Variants in FBN1 observed in about 807,000 individuals in gnomAD.
The protein encoded by FBN1 is fibrillin 1, also known as fibrillin-1.
A neutral mutation model predicts 365.1 loss-of-function variants in FBN1; 29 were observed. The ratio of observed to expected loss-of-function variants is 0.08; its 90% CI spans 0.06 to 0.11. FBN1 has a LOEUF of 0.11. Among genes scored for constraint, FBN1 ranks in the 10% least tolerant of loss-of-function variants. The pLI is 1.00. For synonymous variants in FBN1, 1,210 were observed against 1,270.5 expected, an observed-to-expected ratio of 0.95 and a Z score of 1.01; for missense variants, 2,476 against 3,703.2, an observed-to-expected ratio of 0.67 and a Z score of 8.60.
chr15:48,437,153 T>A, intron 52 of FBN1, 76 bp from the exon 53 acceptor site: 1 of 1,214,104 alleles, frequency 8.2e-7, no homozygotes, highest in Non-Finnish European at 1.2e-6. Flanking sequence ...CATTTCAGTG[T>A]TTAATCAAAA....
intron 36 of FBN1, among the ~76,000 whole-genome samples, chr15:48,469,067 C>CAA (rs56789154): frequency 5.6e-4 from 51 of 90,672 alleles, no homozygotes; most frequent in East Asian, 2.8e-3. Flanking sequence ...GACTCCGTCT[C>CAA]AAAAAAAAAA....
intron 2 of FBN1, among the ~76,000 whole-genome samples, chr15:48,627,636 TA>T (rs34342562): frequency 0.12 from 18,035 of 151,948 alleles, 1,235 homozygotes; most frequent in Non-Finnish European, 0.15. Flanking sequence ...GATGATCTTC[TA>T]AAAAAAACCC....
chr15:48,588,909 G>A (rs929247159), intron 6 of FBN1, among the ~76,000 whole-genome samples: 1 of 152,174 alleles, frequency 6.6e-6, no homozygotes, highest in African/African-American at 2.4e-5. Flanking sequence ...GGACACTGTG[G>A]ACTAGGGACT....
At chr15:48,645,050 C>G (rs549614449) in intron 1 of FBN1, 100 bp from the exon 2 acceptor site, 2 of 274,188 alleles carry the variant, frequency 7.3e-6, no homozygotes, top group African/African-American at 4.5e-5. Context: ...CGTGCGCCGC[C>G]TGCGCGTGGC....
chr15:48,491,633 G>A (rs1193770172), intron 24 of FBN1, among the ~76,000 whole-genome samples: 1 of 151,666 alleles, frequency 6.6e-6, no homozygotes, highest in African/African-American at 2.4e-5. Context: ...TTACAGGCGT[G>A]AGCCATCGCA....
chr15:48,502,188 A>G (rs1427744790), intron 17 of FBN1, among the ~76,000 whole-genome samples: 3 of 151,910 alleles, frequency 2.0e-5, no homozygotes, highest in Non-Finnish European at 4.4e-5. Flanking sequence ...ACCACCACGC[A>G]TGACTTTTTG....
chr15:48,467,855 G>T, intron 38 of FBN1, 83 bp downstream of exon 38: 2 of 1,230,686 alleles, frequency 1.6e-6, no homozygotes, highest in South Asian at 1.2e-5. Context: ...TCTGATCTAA[G>T]AGTAGAAAAG....
intron 6 of FBN1, among the ~76,000 whole-genome samples, chr15:48,554,132 T>C (rs970582501): frequency 6.6e-6 from 1 of 152,236 alleles, no homozygotes; most frequent in Admixed American, 6.5e-5. Context: ...TTCCTCAAAA[T>C]GACGGTACAA....
chr15:48,508,678 T>A lies in FBN1; in HGVS notation c.1741A>T (p.Met581Leu). The A allele has an allele frequency of 6.2e-7, 1 of 1,613,840 alleles. No homozygotes were observed. The highest frequency in any genetic ancestry group is 1.7e-5 in the Admixed American group (1 of 60,016). ...EDMDECSIRNMCLNGMCINED... is the reference protein window; with the variant it reads ...EDMDECSIRNLCLNGMCINED... ...TTGATACACATTCCATTAAGGCACATGTTCCTTATGCTGCATTCATCCATA... is the reference window on the plus strand; with the variant it reads ...TTGATACACATTCCATTAAGGCACAAGTTCCTTATGCTGCATTCATCCATA... Residue 581 changes from methionine (M) to leucine (L), a missense_variant, in exon 15 of 66, where the codon ATG becomes TTG. Transcript: ENST00000316623.
At chr15:48,533,986 G>A (rs893923403) in intron 8 of FBN1, 94 bp downstream of exon 8, 11 of 1,520,402 alleles carry the variant, frequency 7.2e-6, no homozygotes, top group Non-Finnish European at 1.0e-5. Flanking sequence ...AAGACAGAAG[G>A]ATTTAGGAAT....
At chr15:48,627,641 A>C (rs1889909365) in intron 2 of FBN1, among the ~76,000 whole-genome samples, 1 of 152,178 alleles carries the variant, frequency 6.6e-6, no homozygotes, top group South Asian at 2.1e-4. Flanking sequence ...TCTTCTAAAA[A>C]AAACCCTCCA....
chr15:48,460,400 G>C, intron 42 of FBN1, 83 bp from the exon 43 acceptor site: 1 of 858,318 alleles, frequency 1.2e-6, no homozygotes, highest in Admixed American at 1.8e-5. Flanking sequence ...TATTTTGTAA[G>C]CATTCTTGAA....
In FBN1 at chr15:48,415,523, G is replaced by T. The variant is rs753145685; in HGVS notation, c.8051+13C>A. On this transcript the variant is annotated intron_variant, in intron 64 of 65. Coordinates refer to ENST00000316623, the MANE Select transcript of FBN1 (RefSeq NM_000138.5). ...AAGAATCTCCAACCATGACCAGGAAGAGCACTGCTTACCCTTGGCCTATGC... is the reference window on the plus strand; with the variant it reads ...AAGAATCTCCAACCATGACCAGGAATAGCACTGCTTACCCTTGGCCTATGC... 1.3e-6 allele frequency: 2 copies of T among 1,579,212 alleles called. No homozygotes were observed. The highest frequency in any genetic ancestry group is 1.7e-6 in the Non-Finnish European group (2 of 1,148,288).
chr15:48,644,619 C>G lies in FBN1; in HGVS notation c.151G>C (p.Asp51His). Reference protein sequence around the residue: ...RAKRRGGGGHDALKGPNVCGS... With the variant: ...RAKRRGGGGHHALKGPNVCGS... ...CGGTTCCTTTACCCTTTAAGCGCGT[C>G]GTGTCCTCCACCGCCTCTTCTCTTG... Residue 51 changes from aspartate (D) to histidine (H), a missense_variant, in exon 2 of 66, where the codon GAC becomes CAC. By Grantham distance (81) the Asp-to-His change is moderately conservative. Around this residue, in one of 5 missense-constraint regions of FBN1, gnomAD observed 76 missense variants for 85.4 expected, o/e 0.89. Transcript: ENST00000316623. The G allele has an allele frequency of 6.2e-7, 1 of 1,614,188 alleles. No individual in the cohort carries two copies.
At chr15:48,587,039 T>C (rs956948413) in intron 6 of FBN1, among the ~76,000 whole-genome samples, 3 of 152,234 alleles carry the variant, frequency 2.0e-5, no homozygotes, top group Middle Eastern at 3.4e-3. Context: ...CAAGAAGACA[T>C]GGGATGGAGT....
intron 6 of FBN1, among the ~76,000 whole-genome samples, chr15:48,548,909 C>T (rs371612015): frequency 2.6e-5 from 4 of 152,094 alleles, no homozygotes; most frequent in African/African-American, 9.7e-5. Flanking sequence ...ATTTTCCAAA[C>T]CTTTAAGGGT....
intron 8 of FBN1, among the ~76,000 whole-genome samples, chr15:48,528,636 T>C (rs1038802540): frequency 1.3e-5 from 2 of 152,286 alleles, no homozygotes; most frequent in East Asian, 3.9e-4. Flanking sequence ...AGTTTCCACC[T>C]AGGTACATGC....
intron 6 of FBN1, among the ~76,000 whole-genome samples, chr15:48,545,786 A>G (rs2044089145): frequency 6.6e-6 from 1 of 152,058 alleles, no homozygotes; most frequent in Admixed American, 6.6e-5. Context: ...CTTTGGGAGG[A>G]CGAGGCAGGT....
intron 32 of FBN1, among the ~76,000 whole-genome samples, chr15:48,479,960 C>T (rs1379583188): frequency 6.6e-6 from 1 of 152,154 alleles, no homozygotes; most frequent in Non-Finnish European, 1.5e-5. Flanking sequence ...GACACTGTGT[C>T]TATGTTTCAT....
Sources: allele counts gnomAD v4.1 joint callset (sites outside exome capture counted in the v4.1 genomes callset), GRCh38; gene constraint gnomAD v4.1.1; regional missense constraint gnomAD v4.1.1; transcripts MANE v1.5; gene names NCBI Gene and HGNC (gene_info 2026-07-23, HGNC 2026-07-21).